The following ANO3 variants were observed in gnomAD, a reference collection of about 807,000 sequenced individuals.
ANO3 encodes anoctamin-3.
Under a neutral mutation model 144.8 loss-of-function variants are expected in ANO3, and 99 were observed. The observed-to-expected ratio is 0.68, with a 90% CI of 0.58 to 0.81. ANO3 has a LOEUF of 0.81. Among genes scored for constraint, ANO3 ranks in the 30% least tolerant of loss-of-function variants. The probability of loss-of-function intolerance (pLI) is 0.00; values close to 1 mark genes in which losing one functional copy is unlikely to be tolerated. For missense variants in ANO3, 905 were observed against 1,202.2 expected, an observed-to-expected ratio of 0.75 and a Z score of 3.66; for synonymous variants, 414 against 392.6, an observed-to-expected ratio of 1.05 and a Z score of -0.64.
At chr11:26,259,503 C>A (rs1400305507) in intron 1 of ANO3, among the ~76,000 whole-genome samples, 1 of 144,030 alleles carries the variant, frequency 6.9e-6, no homozygotes, top group African/African-American at 2.6e-5. Context: ...CAAAAATTAG[C>A]CTGGCATGGT....
intron 24 of ANO3, among the ~76,000 whole-genome samples, chr11:26,649,406 A>G (rs918615227): frequency 1.5e-4 from 23 of 152,300 alleles, no homozygotes; most frequent in South Asian, 1.5e-3. Flanking sequence ...GCTTTTTAGT[A>G]AAAGGCATGT....
chr11:26,217,425 G>T (rs981950955), intron 1 of ANO3, among the ~76,000 whole-genome samples: 2 of 141,214 alleles, frequency 1.4e-5, no homozygotes, highest in Admixed American at 1.4e-4. Flanking sequence ...AACTGGTTGA[G>T]GTAAAAATGG....
intron 1 of ANO3, among the ~76,000 whole-genome samples, chr11:26,389,284 T>C (rs2006942): frequency 0.27 from 40,383 of 151,970 alleles, 6,024 homozygotes; most frequent in African/African-American, 0.4. Context: ...CCAGCTCCAC[T>C]ACTGTCTCTC....
At chr11:26,479,176 G>T (rs1860103383) in intron 4 of ANO3, among the ~76,000 whole-genome samples, 2 of 152,180 alleles carry the variant, frequency 1.3e-5, no homozygotes, top group South Asian at 4.1e-4. Flanking sequence ...CTTTTCAGAG[G>T]TAGAGAGCTG....
chr11:26,517,869 G>T (rs188929905), intron 6 of ANO3, among the ~76,000 whole-genome samples: 1 of 151,964 alleles, frequency 6.6e-6, no homozygotes, highest in Non-Finnish European at 1.5e-5. Context: ...TTTAAAACAC[G>T]TAGGGCTCGA....
intron 1 of ANO3, among the ~76,000 whole-genome samples, chr11:26,402,726 G>T (rs1290886611): frequency 1.3e-5 from 2 of 151,922 alleles, no homozygotes; most frequent in African/African-American, 4.8e-5. Context: ...AGGTTGAAAG[G>T]AGGGAGAGGA....
At chr11:26,642,706 A>C (rs1853207161) in intron 22 of ANO3, among the ~76,000 whole-genome samples, 2 of 152,088 alleles carry the variant, frequency 1.3e-5, no homozygotes, top group African/African-American at 4.8e-5. Context: ...CAAAGCAATA[A>C]TTATTTTTCA....
chr11:26,445,177 A>G (rs1196845283), intron 3 of ANO3, among the ~76,000 whole-genome samples: 1 of 152,192 alleles, frequency 6.6e-6, no homozygotes, highest in Non-Finnish European at 1.5e-5. Flanking sequence ...TCAACACTCA[A>G]AAAGTTTCAG....
intron 12 of ANO3, among the ~76,000 whole-genome samples, chr11:26,552,929 C>T (rs551985229): frequency 2.3e-4 from 34 of 147,522 alleles, no homozygotes; most frequent in African/African-American, 6.5e-4. Context: ...ATTGGTATAC[C>T]GCACAAGATT....
chr11:26,441,972 G>C lies in ANO3; in HGVS notation c.101G>C (p.Arg34Pro), dbSNP rs867157355. The C allele has an allele frequency of 3.7e-6, 6 of 1,613,908 alleles. No homozygotes were observed. The Middle Eastern group carries it at 9.9e-4, about 266-fold the overall frequency. ...AAAGAAACTTCGTTAAAACCGTCTC[G>C]GAGATCCCTGCCTTGCCTCGCCCAG... is the stretch of plus-strand genomic sequence containing the variant. ...ITKETSLKPS[R>P]RSLPCLAQSY... The change falls in exon 2 of 27, where the codon CGG becomes CCG. Residue 34 changes from arginine to proline, a missense_variant. Physicochemically the swap from Arg to Pro is moderately radical, Grantham distance 103 (BLOSUM62 -2). Transcript: ENST00000256737.
chr11:26,571,817 T>TA (rs1361359934), intron 14 of ANO3, among the ~76,000 whole-genome samples: 1 of 152,146 alleles, frequency 6.6e-6, no homozygotes, highest in African/African-American at 2.4e-5. Flanking sequence ...AATTTGGCAG[T>TA]AATTTTTAAA....
intron 4 of ANO3, 81 bp from the exon 5 acceptor site, chr11:26,508,023 G>A: frequency 1.7e-6 from 2 of 1,199,458 alleles, no homozygotes; most frequent in East Asian, 5.3e-5. Flanking sequence ...TGTATTGCCA[G>A]TGTTCAAATG....
intron 4 of ANO3, among the ~76,000 whole-genome samples, chr11:26,469,724 T>C (rs1409632562): frequency 2.0e-5 from 3 of 151,926 alleles, no homozygotes; most frequent in African/African-American, 7.2e-5. Flanking sequence ...GATGTGGTGA[T>C]CAGCTCACAT....
intron 10 of ANO3, among the ~76,000 whole-genome samples, chr11:26,540,101 T>C (rs1175584298): frequency 6.6e-6 from 1 of 152,108 alleles, no homozygotes; most frequent in Non-Finnish European, 1.5e-5. Flanking sequence ...GCATATCATA[T>C]AATCTGCACT....
At chr11:26,349,424 A>T (rs1437760852) in intron 1 of ANO3, among the ~76,000 whole-genome samples, 2 of 152,184 alleles carry the variant, frequency 1.3e-5, no homozygotes, top group African/African-American at 4.8e-5. Flanking sequence ...AAGTATATAG[A>T]ATTATTATTA....
intron 1 of ANO3, among the ~76,000 whole-genome samples, chr11:26,269,876 T>C (rs747384444): frequency 3.9e-5 from 6 of 152,196 alleles, no homozygotes; most frequent in East Asian, 3.9e-4. Context: ...TATTTGAAGA[T>C]AGGGTCTTTA....
At chr11:26,447,168 C>G (rs554451803) in intron 3 of ANO3, among the ~76,000 whole-genome samples, 11 of 133,910 alleles carry the variant, frequency 8.2e-5, no homozygotes, top group Non-Finnish European at 1.5e-4. Flanking sequence ...GATCACACCC[C>G]TGCACTGCAG....
intron 13 of ANO3, among the ~76,000 whole-genome samples, chr11:26,554,935 A>C (rs1284373830): frequency 6.6e-6 from 1 of 152,118 alleles, no homozygotes; most frequent in Non-Finnish European, 1.5e-5. Context: ...TGTTTCCAGC[A>C]TAGGGATAAA....
chr11:26,302,798 T>C (rs919953271), intron 1 of ANO3, among the ~76,000 whole-genome samples: 2 of 152,168 alleles, frequency 1.3e-5, no homozygotes, highest in African/African-American at 4.8e-5. Flanking sequence ...TATGATGCTA[T>C]CACGCAAAAA....
Sources: gnomAD v4.1 joint callset for allele counts (sites outside exome capture counted in the v4.1 genomes callset) on GRCh38, gnomAD v4.1.1 for gene constraint, MANE v1.5 for transcripts, NCBI Gene and HGNC (gene_info 2026-07-23, HGNC 2026-07-21) for gene names.